Variants in FOXP1 observed in about 807,000 individuals in gnomAD.
FOXP1 encodes the protein forkhead box protein P1.
FOXP1 carries 15 observed loss-of-function variants against 98.2 expected under a neutral mutation model. That is an observed-to-expected ratio of 0.15 (90% confidence interval 0.10 to 0.24). The LOEUF (loss-of-function observed/expected upper bound fraction) is 0.24. FOXP1 is among the 10% of genes least tolerant of loss of function. FOXP1 has a pLI of 1.00. For missense variants in FOXP1, 633 were observed against 848.5 expected, an observed-to-expected ratio of 0.75 and a Z score of 3.15; for synonymous variants, 371 against 314.5, an observed-to-expected ratio of 1.18 and a Z score of -1.90.
chr3:71,525,832 C>T (rs1238374491), intron 2 of FOXP1, among the ~76,000 whole-genome samples: 3 of 151,818 alleles, frequency 2.0e-5, no homozygotes, highest in African/African-American at 7.3e-5. Flanking sequence ...TATAGGAGTA[C>T]TGGCCGGGTG....
At chr3:71,281,406 G>A (rs536468704) in intron 5 of FOXP1, among the ~76,000 whole-genome samples, 1 of 152,276 alleles carries the variant, frequency 6.6e-6, no homozygotes, top group African/African-American at 2.4e-5. Flanking sequence ...CCAACCCTCT[G>A]CTATCTCAAA....
At chr3:71,271,175 A>G (rs2070314114) in intron 5 of FOXP1, among the ~76,000 whole-genome samples, 1 of 152,206 alleles carries the variant, frequency 6.6e-6, no homozygotes, top group Non-Finnish European at 1.5e-5. Context: ...GGTTGCACTG[A>G]GCCCAGATAA....
chr3:71,376,396 AG>A (rs1560392982), intron 3 of FOXP1, among the ~76,000 whole-genome samples: 1 of 152,230 alleles, frequency 6.6e-6, no homozygotes, highest in African/African-American at 2.4e-5. Context: ...TGTTTGCCTT[AG>A]TACTTACAGT....
At chr3:71,396,973 T>TATATATATATATACAC (rs1560424550) in intron 3 of FOXP1, among the ~76,000 whole-genome samples, 2 of 27,380 alleles carry the variant, frequency 7.3e-5, no homozygotes, top group African/African-American at 1.4e-4. Flanking sequence ...TGTGTGTATA[T>TATATATATATATACAC]ATATATATGT....
At chr3:70,963,757 G>A (rs140294437) in intron 20 of FOXP1, among the ~76,000 whole-genome samples, 5 of 152,286 alleles carry the variant, frequency 3.3e-5, no homozygotes, top group Middle Eastern at 6.8e-3. Context: ...AGCTCCTTTA[G>A]CGCCTATCAG....
At chr3:71,179,487 A>T (rs1393754281) in intron 6 of FOXP1, among the ~76,000 whole-genome samples, 2 of 152,200 alleles carry the variant, frequency 1.3e-5, no homozygotes, top group Admixed American at 1.3e-4. Flanking sequence ...GGGAGGAGTT[A>T]GAAAAACATT....
At chr3:70,987,933 G>A (rs2107492231) in intron 14 of FOXP1, 61 bp downstream of exon 14, 1 of 1,488,816 alleles carries the variant, frequency 6.7e-7, no homozygotes, top group East Asian at 2.3e-5. Context: ...TTGGGGTGGG[G>A]AAGTAGAAAA....
chr3:71,195,765 T>G (rs1202590394), intron 6 of FOXP1, among the ~76,000 whole-genome samples: 1 of 152,224 alleles, frequency 6.6e-6, no homozygotes, highest in African/African-American at 2.4e-5. Flanking sequence ...TGGCTATGAT[T>G]TTCTCACTGC....
intron 3 of FOXP1, among the ~76,000 whole-genome samples, chr3:71,456,459 C>T (rs1488888488): frequency 6.6e-6 from 1 of 152,134 alleles, no homozygotes; most frequent in Non-Finnish European, 1.5e-5. Flanking sequence ...ATTTCATATA[C>T]ATATTGTCAA....
chr3:71,232,013 A>G (rs1209380363), intron 5 of FOXP1, among the ~76,000 whole-genome samples: 1 of 152,236 alleles, frequency 6.6e-6, no homozygotes, highest in Non-Finnish European at 1.5e-5. Flanking sequence ...TACTTGGCCT[A>G]TTTCAGCATC....
At chr3:71,178,221 G>A (rs1490805182) in intron 6 of FOXP1, among the ~76,000 whole-genome samples, 3 of 148,664 alleles carry the variant, frequency 2.0e-5, no homozygotes, top group Non-Finnish European at 4.4e-5. Context: ...TGCAACCTCC[G>A]CCTCCCGGGT....
Position 70,955,940 on chromosome 3 carries a change from G to A in FOXP1, c.*3307C>T, listed in dbSNP as rs976497782. On this transcript the variant is annotated 3_prime_UTR_variant, in exon 21 of 21. Transcript: ENST00000649528. ...TACAGTTTAAAAGCAGAAAAAAAAA[G>A]TTAGGGAGTTTCTCCCTCCCACATG... 2.1e-5 allele frequency: 5 copies of A among 232,732 alleles called. No homozygotes were observed. Among genetic ancestry groups the A allele is most frequent in the Non-Finnish European group, 3.4e-5 (4 of 117,992 alleles). The allele number at this position is 232,732 out of a possible 1,614,324, so 14.4% of individuals were successfully genotyped here. A position where few individuals can be genotyped will look rare whatever the true frequency, so the allele number is the denominator to read the frequency against.
chr3:71,021,783 C>A (rs182979015), intron 11 of FOXP1, among the ~76,000 whole-genome samples: 2 of 152,186 alleles, frequency 1.3e-5, no homozygotes, highest in African/African-American at 4.8e-5. Context: ...AATGAGGCTG[C>A]ACATATTTTC....
intron 6 of FOXP1, among the ~76,000 whole-genome samples, chr3:71,169,033 C>T (rs895975227): frequency 6.6e-6 from 1 of 152,196 alleles, no homozygotes; most frequent in African/African-American, 2.4e-5. Flanking sequence ...GCTCTTTTTA[C>T]AGCTGAGTCA....
chr3:71,093,837 C>A (rs957476549), intron 7 of FOXP1, among the ~76,000 whole-genome samples: 1 of 151,960 alleles, frequency 6.6e-6, no homozygotes, highest in Non-Finnish European at 1.5e-5. Context: ...CAATAAAGAT[C>A]AAAATGAGAC....
intron 5 of FOXP1, chr3:71,292,528 T>C (rs1220419088): frequency 6.6e-6 from 1 of 152,082 alleles, no homozygotes; most frequent in Admixed American, 6.6e-5. Context: ...AGATACCAGG[T>C]TTCGCCATGT....
intron 3 of FOXP1, among the ~76,000 whole-genome samples, chr3:71,492,156 G>C (rs965764060): frequency 1.3e-5 from 2 of 152,002 alleles, no homozygotes; most frequent in Non-Finnish European, 2.9e-5. Flanking sequence ...CTTTGTTTTA[G>C]ATATAGAAAA....
chr3:71,054,931 T>C (rs1407361324), intron 7 of FOXP1, among the ~76,000 whole-genome samples: 5 of 151,758 alleles, frequency 3.3e-5, no homozygotes, highest in African/African-American at 7.3e-5. Flanking sequence ...TGTATTACAA[T>C]AAAAGGTAAT....
At chr3:71,016,794 CA>C (rs1221963304) in intron 11 of FOXP1, among the ~76,000 whole-genome samples, 1 of 151,982 alleles carries the variant, frequency 6.6e-6, no homozygotes, top group African/African-American at 2.4e-5. Flanking sequence ...ACACAAATGC[CA>C]TTTGTCCCTG....
Sources: gnomAD v4.1 joint callset for allele counts (sites outside exome capture counted in the v4.1 genomes callset) on GRCh38, gnomAD v4.1.1 for gene constraint, MANE v1.5 for transcripts, NCBI Gene and HGNC (gene_info 2026-07-23, HGNC 2026-07-21) for gene names.